DNAH6: variants seen among roughly 807,000 people sequenced by gnomAD.
The protein encoded by DNAH6 is axonemal beta dynein heavy chain 6.
Under a neutral mutation model 491.4 loss-of-function variants are expected in DNAH6, and 340 were observed. The ratio of observed to expected loss-of-function variants is 0.69; its 90% confidence interval spans 0.63 to 0.76. The LOEUF is 0.76. Among genes scored for constraint, DNAH6 ranks in the 30% least tolerant of loss-of-function variants. The pLI is 0.00. For missense variants in DNAH6, 4,443 were observed against 4,972.2 expected, an observed-to-expected ratio of 0.89 and a Z score of 3.20; for synonymous variants, 1,603 against 1,686.1, an observed-to-expected ratio of 0.95 and a Z score of 1.21.
rs139799417 is a variant in DNAH6 at position 84,550,609 on chromosome 2, A to C, written c.1485+552A>C. 5.1e-3 allele frequency among the ~76,000 whole-genome samples: 781 copies of C among 152,278 alleles called. 2 individuals are homozygous for C. The highest frequency in any genetic ancestry group is 8.5e-3 in the Non-Finnish European group (575 of 68,014). The stretch of plus-strand genomic sequence containing the variant: ...AGTAAAAATCCACCATACTGAGAGA[A>C]AGTTCCTGTCACAGGAACTTGCTAA... On this transcript the variant is annotated intron_variant, in intron 9 of 76. Coordinates refer to ENST00000389394, the MANE Select transcript of DNAH6 (RefSeq NM_001370.2).
chr2:84,795,025 G>T (rs528251993), intron 68 of DNAH6, among the ~76,000 whole-genome samples: 13 of 149,926 alleles, frequency 8.7e-5, no homozygotes, highest in African/African-American at 2.5e-4. Flanking sequence ...CATGTCCTTT[G>T]TAGGGACATG....
intron 64 of DNAH6, among the ~76,000 whole-genome samples, chr2:84,773,061 A>G (rs1485427245): frequency 6.6e-6 from 1 of 152,116 alleles, no homozygotes; most frequent in Non-Finnish European, 1.5e-5. Context: ...GGGAAATTAG[A>G]AAATACTTTA....
chr2:84,784,794 T>C lies in DNAH6; in HGVS notation c.10937T>C (p.Leu3646Pro). Reference protein sequence around the residue: ...MPSNTFPVTVLQNSVKVTNEP... With the variant: ...MPSNTFPVTVPQNSVKVTNEP... ...AGTAATACATTTCCTGTTACAGTTC[T>C]TCAAAATTCTGTCAAGGTAATGTAT... The change falls in exon 66 of 77, where the codon CTT (leucine) becomes CCT (proline). Residue 3646 changes from leucine to proline, a missense_variant. By Grantham distance (98) the Leu-to-Pro change is moderately conservative. Transcript: ENST00000389394. 6.5e-7 allele frequency: 1 copy of C among 1,549,318 alleles called. No individual in the cohort carries two copies. Among genetic ancestry groups the C allele is most frequent in the Non-Finnish European group, 8.7e-7 (1 of 1,144,934 alleles).
chr2:84,715,712 G>C (rs1388598604), intron 58 of DNAH6, 85 bp downstream of exon 58: 4 of 1,325,260 alleles, frequency 3.0e-6, no homozygotes, highest in Non-Finnish European at 3.2e-6. Context: ...CAAAGACAAT[G>C]TTCTGCTGTG....
chr2:84,618,076 T>TAGTTATATTACTTGGGAATATCCCA (rs1427390948), intron 23 of DNAH6, among the ~76,000 whole-genome samples: 56 of 152,170 alleles, frequency 3.7e-4, no homozygotes, highest in African/African-American at 1.3e-3. Context: ...TTTTAACATC[T>TAGTTATATTACTTGGGAATATCCCA]AGTTATATTA....
chr2:84,691,603 C>T (rs1175170792), intron 45 of DNAH6, among the ~76,000 whole-genome samples: 1 of 145,538 alleles, frequency 6.9e-6, no homozygotes, highest in Non-Finnish European at 1.5e-5. Context: ...GATAGAAAAA[C>T]TATTTCAGTA....
chr2:84,800,771 A>G (rs1678812063), intron 70 of DNAH6, among the ~76,000 whole-genome samples: 1 of 152,222 alleles, frequency 6.6e-6, no homozygotes. Flanking sequence ...TAAAGTGACT[A>G]AATCTACCAT....
chr2:84,709,754 C>T (rs1038254852), intron 55 of DNAH6, among the ~76,000 whole-genome samples: 1 of 152,114 alleles, frequency 6.6e-6, no homozygotes, highest in African/African-American at 2.4e-5. Context: ...TTGAAGTGCT[C>T]CCGTACTTGA....
intron 22 of DNAH6, 36 bp downstream of exon 22, chr2:84,611,890 C>T: frequency 6.5e-7 from 1 of 1,529,634 alleles, no homozygotes; most frequent in Non-Finnish European, 8.8e-7. Context: ...AAAAAGACTA[C>T]AATCTTTTAG....
intron 23 of DNAH6, among the ~76,000 whole-genome samples, chr2:84,619,456 A>T (rs960383379): frequency 1.4e-4 from 22 of 152,168 alleles, no homozygotes; most frequent in Non-Finnish European, 2.8e-4. Flanking sequence ...TTTATGTACT[A>T]GACACTAATT....
intron 11 of DNAH6, among the ~76,000 whole-genome samples, chr2:84,569,386 G>A (rs1401268004): frequency 6.6e-6 from 1 of 152,088 alleles, no homozygotes; most frequent in East Asian, 1.9e-4. Context: ...AGGAGGTAAT[G>A]TGAATGGTGT....
At chr2:84,551,097 C>A (rs887451812) in intron 9 of DNAH6, among the ~76,000 whole-genome samples, 12 of 152,118 alleles carry the variant, frequency 7.9e-5, no homozygotes, top group African/African-American at 2.9e-4. Context: ...ATCAAACCTC[C>A]CACCCTCACA....
chr2:84,596,304 G>C (rs945707135), intron 18 of DNAH6, among the ~76,000 whole-genome samples: 1 of 150,942 alleles, frequency 6.6e-6, no homozygotes, highest in African/African-American at 2.5e-5. Context: ...TTTTTAAACA[G>C]TTTTAGGGTG....
Position 84,637,233 on chromosome 2 carries a change from G to T in DNAH6, c.4677G>T (p.Gly1559=). The change falls in exon 31 of 77, where the codon GGG becomes GGT. Residue 1559 remains glycine (G), a synonymous_variant. Coordinates refer to ENST00000389394, the MANE Select transcript of DNAH6 (RefSeq NM_001370.2). ...AGCTCTCTAGATTCATGTTTGAGGG[G>T]CGGGAAATAAAGTTGGTGATGACTT... ...AAKLSRFMFE[G]REIKLVMTCA... is the part of the protein sequence containing the mutation. The T allele has an allele frequency of 6.5e-7, 1 of 1,547,880 alleles. No individual in the cohort carries two copies. The highest frequency in any genetic ancestry group is 1.2e-5 in the South Asian group (1 of 83,310).
chr2:84,561,133 CT>C (rs1279756242), intron 11 of DNAH6, among the ~76,000 whole-genome samples: 3 of 151,990 alleles, frequency 2.0e-5, no homozygotes, highest in Admixed American at 6.6e-5. Flanking sequence ...TGTTTCCTGA[CT>C]TTTTTAATGA....
Position 84,607,033 on chromosome 2 carries a change from G to T in DNAH6, c.3232G>T (p.Gly1078Cys). Residue 1078 changes from glycine (G) to cysteine (C), a missense_variant, in exon 21 of 77, where the codon GGT becomes TGT. Transcript: ENST00000389394. ...AACTCTTGCCTCATCACGTTACCTT[G>T]GTCCACTGAAAACTCGAGTGGATGA... is the stretch of plus-strand genomic sequence containing the variant. The part of the protein sequence containing the change: ...VATLASSRYL[G>C]PLKTRVDEWQ... The T allele has an allele frequency of 6.4e-7, 1 of 1,551,224 alleles. No individual in the cohort carries two copies. The highest frequency in any genetic ancestry group is 8.7e-7 in the Non-Finnish European group (1 of 1,146,680).
intron 19 of DNAH6, 92 bp from the exon 20 acceptor site, chr2:84,605,408 T>C: frequency 1.1e-6 from 1 of 886,776 alleles, no homozygotes; most frequent in South Asian, 1.6e-5. Flanking sequence ...ATGGGATAAT[T>C]ATGGAGTTTT....
chr2:84,601,641 C>A (rs891665737), intron 18 of DNAH6, among the ~76,000 whole-genome samples: 2 of 11,388 alleles, frequency 1.8e-4, no homozygotes, highest in East Asian at 0.017. Context: ...AGAATTGATT[C>A]CTATTTTTTT....
chr2:84,611,899 AGTAGTCTGGGACTTT>A lies in DNAH6; in HGVS notation c.3475+46_3475+60del, dbSNP rs776176070. 2.1e-5 allele frequency: 32 copies of A among 1,493,482 alleles called. No individual in the cohort carries two copies. In the South Asian group the frequency reaches 3.9e-4, roughly 18 times the overall value. 92.5% of individuals were successfully genotyped at this position (1,493,482 alleles called of 1,614,324 possible). Reference sequence around the variant, plus strand: ...ACAAGCAAAAAGACTACAATCTTTTAGTAGTCTGGGACTTTAGTCCCAGACTAAAATGTTTCTCTG... The same window carrying A: ...ACAAGCAAAAAGACTACAATCTTTTAAGTCCCAGACTAAAATGTTTCTCTG... On this transcript the variant is annotated intron_variant, in intron 22 of 76. Coordinates refer to ENST00000389394, the MANE Select transcript of DNAH6 (RefSeq NM_001370.2).
Sources: allele counts gnomAD v4.1 joint callset (sites outside exome capture counted in the v4.1 genomes callset), GRCh38; gene constraint gnomAD v4.1.1; transcripts MANE v1.5; gene names NCBI Gene and HGNC (gene_info 2026-07-23, HGNC 2026-07-21).